ST18: variants seen among roughly 807,000 people sequenced by gnomAD.
ST18 encodes the protein ST18 C2H2C-type zinc finger transcription factor, also known as suppression of tumorigenicity 18 protein.
A neutral mutation model predicts 110.0 loss-of-function variants in ST18; 50 were observed. The ratio of observed to expected loss-of-function variants is 0.45; its 90% CI spans 0.36 to 0.58. The LOEUF is 0.58. Among genes scored for constraint, ST18 ranks in the 20% least tolerant of loss-of-function variants. The pLI is 0.00. For synonymous variants in ST18, 461 were observed against 452.4 expected (o/e 1.02, Z -0.24); for missense variants, 1,306 against 1,280.1 (o/e 1.02, Z -0.31).
intron 2 of ST18, among the ~76,000 whole-genome samples, chr8:52,274,689 C>T (rs2095181681): frequency 1.3e-5 from 2 of 152,164 alleles, no homozygotes; most frequent in African/African-American, 4.8e-5. Flanking sequence ...TCTAGTTGCA[C>T]ATAGTTTTGA....
At chr8:52,291,735 A>G (rs2095558553) in intron 2 of ST18, among the ~76,000 whole-genome samples, 1 of 151,942 alleles carries the variant, frequency 6.6e-6, no homozygotes, top group Admixed American at 6.6e-5. Flanking sequence ...TAATGGATGG[A>G]TGAAAATGTA....
At chr8:52,364,063 G>A (rs1008601778) in intron 2 of ST18, among the ~76,000 whole-genome samples, 6 of 152,204 alleles carry the variant, frequency 3.9e-5, no homozygotes, top group Non-Finnish European at 1.5e-5. Context: ...GTACTTTCCT[G>A]ACAGTATGGA....
rs115854541 is a variant in ST18 at position 52,295,137 on chromosome 8, C to T, written c.-464-65060G>A. Reference sequence around the variant, plus strand: ...CATTAAAGCAAAGGCATGTCCTAATCGTCACACGTGTAACCACTTTTTTCT... The same window carrying T: ...CATTAAAGCAAAGGCATGTCCTAATTGTCACACGTGTAACCACTTTTTTCT... On this transcript the variant is annotated intron_variant, in intron 2 of 25. Coordinates refer to ENST00000689386, the MANE Select transcript of ST18 (RefSeq NM_001352837.2). Among the ~76,000 whole-genome samples, 425 of 152,232 alleles carry T rather than the reference C, an allele frequency of 2.8e-3. 2 individuals are homozygous for T. Among genetic ancestry groups the T allele is most frequent in the African/African-American group, 9.4e-3 (390 of 41,532 alleles).
intron 2 of ST18, among the ~76,000 whole-genome samples, chr8:52,259,933 T>TA (rs2094633826): frequency 6.6e-6 from 1 of 152,240 alleles, no homozygotes; most frequent in Non-Finnish European, 1.5e-5. Flanking sequence ...TGTCATTTTT[T>TA]ATAAGAAATT....
At chr8:52,349,731 G>A (rs954268536) in intron 2 of ST18, among the ~76,000 whole-genome samples, 1 of 152,174 alleles carries the variant, frequency 6.6e-6, no homozygotes, top group African/African-American at 2.4e-5. Context: ...TATCAGTCAG[G>A]GTCCTGGTGG....
chr8:52,363,217 GA>G (rs926046452), intron 2 of ST18, among the ~76,000 whole-genome samples: 176 of 148,600 alleles, frequency 1.2e-3, no homozygotes, highest in African/African-American at 3.9e-3. Context: ...TCTCAAAAAA[GA>G]AAAAAAAAAT....
chr8:52,113,025 T>A lies in ST18; in HGVS notation c.*173A>T. Reference sequence around the variant, plus strand: ...CATTGCTTTTAATCCAAGAAGTCTATCATAGTTTTTCTTTCCTTTTTATAT... The same window carrying A: ...CATTGCTTTTAATCCAAGAAGTCTAACATAGTTTTTCTTTCCTTTTTATAT... On this transcript the variant is annotated 3_prime_UTR_variant, in exon 26 of 26. Transcript: ENST00000689386. The A allele has an allele frequency of 1.8e-6, 1 of 571,012 alleles. No individual in the cohort carries two copies. The highest frequency in any genetic ancestry group is 2.7e-6 in the Non-Finnish European group (1 of 364,636). The allele number at this position is 571,012 out of a possible 1,614,324, so 35.4% of individuals were successfully genotyped here.
chr8:52,407,460 C>CA (rs34473011), intron 2 of ST18: 8 of 151,844 alleles, frequency 5.3e-5, no homozygotes, highest in Non-Finnish European at 1.2e-4. Flanking sequence ...ATATTTTTAT[C>CA]AAAAAAATCA....
intron 2 of ST18, among the ~76,000 whole-genome samples, chr8:52,395,743 G>A (rs1390862589): frequency 6.6e-6 from 1 of 152,178 alleles, no homozygotes; most frequent in Admixed American, 6.5e-5. Context: ...TTGGGGATGA[G>A]CATGCCTGGA....
In ST18 at chr8:52,134,940, C is replaced by T. The variant is rs182561045; in HGVS notation, c.2301-1639G>A. Among the ~76,000 whole-genome samples the T allele has an allele frequency of 2.5e-3, 385 of 152,120 alleles. 1 individual carries two copies. The highest frequency in any genetic ancestry group is 8.7e-3 in the African/African-American group (363 of 41,510). On this transcript the variant is annotated intron_variant, in intron 19 of 25. Transcript: ENST00000689386. ...GGAAAAAACATATCTATGGAAAAAA[C>T]CAAAGACATTACTTATTAGATAGCT... is the stretch of plus-strand genomic sequence containing the variant.
chr8:52,327,522 A>G (rs2140011951), intron 2 of ST18, among the ~76,000 whole-genome samples: 1 of 152,340 alleles, frequency 6.6e-6, no homozygotes, highest in Non-Finnish European at 1.5e-5. Flanking sequence ...TTGAATTTCC[A>G]ACATCTCTGG....
At chr8:52,160,692 C>T (rs561098207) in intron 14 of ST18, among the ~76,000 whole-genome samples, 1 of 152,166 alleles carries the variant, frequency 6.6e-6, no homozygotes, top group African/African-American at 2.4e-5. Context: ...ACCCCAACAA[C>T]CTGAAGAAAT....
In ST18 at chr8:52,149,799, T is replaced by A. The variant is rs1006603474; in HGVS notation, c.1985A>T (p.Asp662Val). 1.2e-6 allele frequency: 2 copies of A among 1,614,070 alleles called. No individual in the cohort carries two copies. Among genetic ancestry groups the A allele is most frequent in the Non-Finnish European group, 8.5e-7 (1 of 1,180,036 alleles). ...VNAAFYQALC[D>V]QEGWDTPINY... ...GATAGGAGTGTCCCAGCCCTCTTGGTCACAAAGAGCCTGATAGAATGCTGC... is the reference window on the plus strand; with the variant it reads ...GATAGGAGTGTCCCAGCCCTCTTGGACACAAAGAGCCTGATAGAATGCTGC... Residue 662 changes from aspartate to valine, a missense_variant, in exon 16 of 26, where the codon GAC becomes GTC. Asp to Val is a radical substitution (Grantham distance 152). Transcript: ENST00000689386.
chr8:52,321,032 ATGGAG>A (rs980646353), intron 2 of ST18, among the ~76,000 whole-genome samples: 2 of 152,224 alleles, frequency 1.3e-5, no homozygotes, highest in African/African-American at 4.8e-5. Context: ...TAAACATAAT[ATGGAG>A]TGAAGAAATA....
At chr8:52,117,375 G>A (rs903620982) in intron 24 of ST18, among the ~76,000 whole-genome samples, 4 of 152,092 alleles carry the variant, frequency 2.6e-5, no homozygotes, top group Admixed American at 6.5e-5. Context: ...ACAGCCACTC[G>A]CCCAGCCCCC....
At chr8:52,188,928 G>A (rs930805370) in intron 8 of ST18, among the ~76,000 whole-genome samples, 2 of 152,138 alleles carry the variant, frequency 1.3e-5, no homozygotes, top group South Asian at 4.1e-4. Flanking sequence ...GATTCACAAG[G>A]GTTGGAGATT....
In ST18 at chr8:52,132,086, T is replaced by C. The variant is rs1374483111; in HGVS notation, c.2538A>G (p.Arg846=). The C allele has an allele frequency of 1.2e-6, 2 of 1,614,080 alleles. No individual in the cohort carries two copies. Among genetic ancestry groups the C allele is most frequent in the African/African-American group, 1.3e-5 (1 of 74,932 alleles). ...CTCCATTGAGAGGATTCTCCTTCTG[T>C]CTCTTGGCAGCCAGAGGACAGCCAG... ...TASGCPLAAK[R]QKENPLNGAS... The change falls in exon 22 of 26, where the codon AGA becomes AGG. Residue 846 remains arginine, a synonymous_variant. Coordinates refer to ENST00000689386, the MANE Select transcript of ST18 (RefSeq NM_001352837.2).
chr8:52,253,241 T>C (rs575767290), intron 2 of ST18, among the ~76,000 whole-genome samples: 14 of 152,090 alleles, frequency 9.2e-5, no homozygotes, highest in Non-Finnish European at 1.6e-4. Context: ...TAAGCACCTA[T>C]AATAAAAGCT....
At chr8:52,288,220 AC>A (rs2095500041) in intron 2 of ST18, among the ~76,000 whole-genome samples, 1 of 152,174 alleles carries the variant, frequency 6.6e-6, no homozygotes, top group South Asian at 2.1e-4. Flanking sequence ...GAAGCCACTC[AC>A]GTCCACTGTG....
Sources: gnomAD v4.1 joint callset for allele counts (sites outside exome capture counted in the v4.1 genomes callset) on GRCh38, gnomAD v4.1.1 for gene constraint, MANE v1.5 for transcripts, NCBI Gene and HGNC (gene_info 2026-07-23, HGNC 2026-07-21) for gene names.